SERTM1: variants seen among roughly 807,000 people sequenced by gnomAD.
The protein encoded by SERTM1 is serine rich and transmembrane domain containing 1.
SERTM1 carries 1 observed loss-of-function variant against 5.5 expected under a neutral mutation model. That is an observed-to-expected ratio of 0.18 (90% CI 0.06 to 0.86). The LOEUF (loss-of-function observed/expected upper bound fraction) is 0.86. Among genes scored for constraint, SERTM1 ranks in the 40% least tolerant of loss-of-function variants. The probability of loss-of-function intolerance (pLI) is 0.69; values close to 1 mark genes in which losing one functional copy is unlikely to be tolerated. For synonymous variants in SERTM1, 52 were observed against 55.1 expected (o/e 0.94, Z 0.25); for missense variants, 91 against 122.4 (o/e 0.74, Z 1.21).
chr13:36,695,524 T>C lies in SERTM1; in HGVS notation c.*122T>C. The C allele has an allele frequency of 1.4e-6, 1 of 698,302 alleles. No homozygotes were observed. Among genetic ancestry groups the C allele is most frequent in the Non-Finnish European group, 2.5e-6 (1 of 407,768 alleles). 43.3% of individuals were successfully genotyped at this position (698,302 alleles called of 1,614,324 possible). On this transcript the variant is annotated 3_prime_UTR_variant, in exon 2 of 2. Transcript: ENST00000315190. ...GGTGTAGACCTGCTTCTCCTTCTCC[T>C]TTTTCTCTGATTTCTTTTCTGTTCA...
At chr13:36,694,598 G>GTA (rs1200726392) in intron 1 of SERTM1, among the ~76,000 whole-genome samples, 7 of 152,340 alleles carry the variant, frequency 4.6e-5, no homozygotes, top group African/African-American at 1.4e-4. Flanking sequence ...ATCTCAGAGT[G>GTA]TATACTTGGA....
chr13:36,684,046 C>T (rs769644817), intron 1 of SERTM1, among the ~76,000 whole-genome samples: 3 of 152,138 alleles, frequency 2.0e-5, no homozygotes, highest in Admixed American at 6.5e-5. Context: ...GCCTGTAATC[C>T]CAGCACTTTG....
At chr13:36,687,376 A>G (rs1237797811) in intron 1 of SERTM1, among the ~76,000 whole-genome samples, 1 of 152,214 alleles carries the variant, frequency 6.6e-6, no homozygotes, top group Non-Finnish European at 1.5e-5. Context: ...ATAGAGATAG[A>G]TATAAATAGT....
At chr13:36,692,801 C>A (rs116159013) in intron 1 of SERTM1, among the ~76,000 whole-genome samples, 3 of 152,202 alleles carry the variant, frequency 2.0e-5, no homozygotes, top group Non-Finnish European at 4.4e-5. Context: ...TTTCTTACCA[C>A]AGTTGAGAAA....
chr13:36,688,057 T>C (rs2056753935), intron 1 of SERTM1, among the ~76,000 whole-genome samples: 1 of 152,146 alleles, frequency 6.6e-6, no homozygotes. Flanking sequence ...TCACTCTCTA[T>C]ATGGAGACTG....
chr13:36,675,301 A>C (rs899825968), intron 1 of SERTM1, among the ~76,000 whole-genome samples: 2 of 152,194 alleles, frequency 1.3e-5, no homozygotes, highest in African/African-American at 4.8e-5. Flanking sequence ...TCTGCACTAC[A>C]GGTGCAAAGG....
intron 1 of SERTM1, among the ~76,000 whole-genome samples, chr13:36,693,834 A>G (rs978114730): frequency 3.3e-5 from 5 of 152,254 alleles, no homozygotes; most frequent in Admixed American, 1.3e-4. Flanking sequence ...ATCTAGAGCC[A>G]TACAGAGCTA....
rs138666512 is a variant in SERTM1 at position 36,693,738 on chromosome 13, G to A, written c.-173-1168G>A. On this transcript the variant is annotated intron_variant, in intron 1 of 1. Coordinates refer to ENST00000315190, the MANE Select transcript of SERTM1 (RefSeq NM_203451.3). ...AGGTAAAATGAAGGGCAGAGTTTAG[G>A]AAGAGAAAGCTAGAGGCAGAGTGAA... Among the ~76,000 whole-genome samples the A allele has an allele frequency of 2.6e-3, 392 of 152,348 alleles. 2 individuals are homozygous for A. Among genetic ancestry groups the A allele is most frequent in the South Asian group, 0.014 (69 of 4,826 alleles).
chr13:36,690,722 A>C (rs1226378118), intron 1 of SERTM1, among the ~76,000 whole-genome samples: 2 of 152,256 alleles, frequency 1.3e-5, no homozygotes, highest in East Asian at 3.8e-4. Flanking sequence ...TCTACAGAGG[A>C]AAAGATCTAA....
intron 1 of SERTM1, among the ~76,000 whole-genome samples, chr13:36,681,353 C>G (rs2056703904): frequency 6.6e-6 from 1 of 152,198 alleles, no homozygotes; most frequent in Admixed American, 6.5e-5. Flanking sequence ...AACCAACATG[C>G]CACTGAGGGA....
chr13:36,695,145 T>G lies in SERTM1; in HGVS notation c.67T>G (p.Phe23Val), dbSNP rs139495686. 4.9e-4 allele frequency: 796 copies of G among 1,614,210 alleles called. 7 individuals are homozygous for G. The East Asian group carries it at 0.015, about 31-fold the overall frequency. The stretch of plus-strand genomic sequence containing the variant: ...GGAGAATGGAACTTTTCTTGAGCTG[T>G]TTCCCACATCCCTGTCCACGTCAGT... ...SVENGTFLEL[F>V]PTSLSTSVDP... The change falls in exon 2 of 2, where the codon TTT (phenylalanine) becomes GTT (valine). Residue 23 changes from phenylalanine to valine, a missense_variant. Transcript: ENST00000315190.
At chr13:36,684,961 C>G (rs1266624567) in intron 1 of SERTM1, among the ~76,000 whole-genome samples, 1 of 152,098 alleles carries the variant, frequency 6.6e-6, no homozygotes, top group African/African-American at 2.4e-5. Context: ...CAAATAATTC[C>G]TAATTATTTT....
chr13:36,697,027 T>G lies in SERTM1; in HGVS notation c.*1625T>G, dbSNP rs931056773. 6.0e-6 allele frequency: 1 copy of G among 166,910 alleles called. No homozygotes were observed. The highest frequency in any genetic ancestry group is 2.4e-5 in the African/African-American group (1 of 41,404). The allele number at this position is 166,910 out of a possible 1,614,324, so 10.3% of individuals were successfully genotyped here. A position where few individuals can be genotyped will look rare whatever the true frequency, so the allele number is the denominator to read the frequency against. ...GGTCTGGGAATGAAAATCAGAAGTC[T>G]TCTTCTTCTTTTAATTCATAAGCCT... On this transcript the variant is annotated 3_prime_UTR_variant, in exon 2 of 2. Coordinates refer to ENST00000315190, the MANE Select transcript of SERTM1 (RefSeq NM_203451.3).
At chr13:36,675,178 G>A (rs2056661903) in intron 1 of SERTM1, among the ~76,000 whole-genome samples, 1 of 152,004 alleles carries the variant, frequency 6.6e-6, no homozygotes, top group African/African-American at 2.4e-5. Context: ...TCCTCTCCCT[G>A]TTAATTTTTC....
chr13:36,693,427 A>G (rs1161409882), intron 1 of SERTM1, among the ~76,000 whole-genome samples: 1 of 151,190 alleles, frequency 6.6e-6, no homozygotes, highest in Non-Finnish European at 1.5e-5. Flanking sequence ...TTGGTTAGGA[A>G]CCTATAGCAG....
chr13:36,676,782 A>T (rs2056672447), intron 1 of SERTM1, among the ~76,000 whole-genome samples: 1 of 152,180 alleles, frequency 6.6e-6, no homozygotes, highest in South Asian at 2.1e-4. Context: ...TATAGATTTC[A>T]TGATTGTTTA....
chr13:36,695,461 C>T lies in SERTM1; in HGVS notation c.*59C>T. 1.6e-6 allele frequency: 2 copies of T among 1,257,634 alleles called. No homozygotes were observed. Among genetic ancestry groups the T allele is most frequent in the South Asian group, 1.3e-5 (1 of 74,218 alleles). 77.9% of individuals were successfully genotyped at this position (1,257,634 alleles called of 1,614,324 possible). A position where few individuals can be genotyped will look rare whatever the true frequency, so the allele number is the denominator to read the frequency against. On this transcript the variant is annotated 3_prime_UTR_variant, in exon 2 of 2. Transcript: ENST00000315190. ...TTTTGACATCCCCTTACGGAAGTGT[C>T]CCGTGAGGCATTGCCTCATGAAAGA...
intron 1 of SERTM1, among the ~76,000 whole-genome samples, chr13:36,675,505 A>G (rs1402043542): frequency 6.6e-6 from 1 of 152,136 alleles, no homozygotes; most frequent in Non-Finnish European, 1.5e-5. Flanking sequence ...GCGGAGCCCC[A>G]TGCACCCTCT....
chr13:36,691,852 TG>T (rs1566231854), intron 1 of SERTM1, among the ~76,000 whole-genome samples: 2 of 152,218 alleles, frequency 1.3e-5, no homozygotes, highest in Non-Finnish European at 2.9e-5. Flanking sequence ...GTTTCCACAC[TG>T]TCACAATGCC....
Sources: allele counts gnomAD v4.1 joint callset (sites outside exome capture counted in the v4.1 genomes callset), GRCh38; gene constraint gnomAD v4.1.1; transcripts MANE v1.5; gene names NCBI Gene and HGNC (gene_info 2026-07-23, HGNC 2026-07-21).